SSX5: variants seen among roughly 807,000 people sequenced by gnomAD.
SSX5 encodes the protein protein SSX5.
A neutral mutation model predicts 14.9 loss-of-function variants in SSX5; 14 were observed. That is an observed-to-expected ratio of 0.94 (90% CI 0.62 to 1.47). The LOEUF (loss-of-function observed/expected upper bound fraction) is 1.47. SSX5 is among the 40% of genes most tolerant of loss of function. SSX5 has a pLI of 0.00. For synonymous variants in SSX5, 70 were observed against 55.4 expected, an observed-to-expected ratio of 1.26 and a Z score of -1.17; for missense variants, 204 against 154.6, an observed-to-expected ratio of 1.32 and a Z score of -1.70.
chrX:48,195,124 G>T, intron 2 of SSX5, 166 bp downstream of exon 2: 10 of 1,211,582 alleles, frequency 8.3e-6, no homozygotes, highest in Non-Finnish European at 1.1e-5. Flanking sequence ...CTTGTCTCCA[G>T]GGATGCTAGG....
intron 7 of SSX5, 133 bp downstream of exon 7, chrX:48,187,494 A>G: frequency 1.2e-6 from 1 of 828,836 alleles, no homozygotes; most frequent in East Asian, 3.2e-5. Context: ...TTCATCATTC[A>G]GCCTCAATGC....
At chrX:48,190,495 G>A (rs1216158678) in intron 5 of SSX5, among the ~76,000 whole-genome samples, 6 of 111,864 alleles carry the variant, frequency 5.4e-5, no homozygotes, top group African/African-American at 1.9e-4. Flanking sequence ...TCTTCACACT[G>A]TTTTAAGACT....
intron 3 of SSX5, 28 bp from the exon 4 acceptor site, chrX:48,194,252 T>C (rs1389923736): frequency 8.4e-6 from 10 of 1,190,238 alleles, no homozygotes; most frequent in African/African-American, 3.5e-5. Context: ...GTTTATTCCT[T>C]AAGAGACAAG....
chrX:48,190,799 T>G (rs1160710737), intron 5 of SSX5, among the ~76,000 whole-genome samples: 2 of 111,508 alleles, frequency 1.8e-5, no homozygotes, highest in Non-Finnish European at 3.8e-5. Flanking sequence ...GTACCAGATC[T>G]GGCATACCAG....
chrX:48,186,997 C>T, intron 7 of SSX5, 141 bp from the exon 8 acceptor site: 6 of 741,572 alleles, frequency 8.1e-6, no homozygotes, highest in Non-Finnish European at 1.2e-5. Context: ...TTCCATGGTT[C>T]CTTGAAGTGA....
At chrX:48,196,464 C>T (rs782238986) in intron 1 of SSX5, among the ~76,000 whole-genome samples, 4 of 106,957 alleles carry the variant, frequency 3.7e-5, no homozygotes, top group South Asian at 4.3e-4. Flanking sequence ...CTGCAACCTC[C>T]GCCTCATAGG....
chrX:48,194,568 G>A (rs2059432936), intron 3 of SSX5, among the ~76,000 whole-genome samples, 172 bp downstream of exon 3: 1 of 110,811 alleles, frequency 9.0e-6, no homozygotes, highest in African/African-American at 3.3e-5. Flanking sequence ...GCCAGTCCCT[G>A]CCCTCAGCCC....
chrX:48,195,154 A>G (rs1556925581), intron 2 of SSX5, 136 bp downstream of exon 2: 2 of 1,211,298 alleles, frequency 1.7e-6, no homozygotes, highest in African/African-American at 1.7e-5. Context: ...AGCGAGAGTG[A>G]GAGGCTCCCA....
intron 5 of SSX5, among the ~76,000 whole-genome samples, chrX:48,191,530 G>A (rs1490396334): frequency 1.8e-5 from 2 of 111,168 alleles, no homozygotes; most frequent in African/African-American, 6.5e-5. Context: ...GTAGGGAGGG[G>A]CCAACAGTCA....
At position 48,187,604 on chromosome X, in the gene SSX5, A is replaced by G. The variant is rs782302311; in HGVS notation, c.*4+23T>C. On this transcript the variant is annotated intron_variant, in intron 7 of 7. Coordinates refer to ENST00000347757, the MANE Select transcript of SSX5 (RefSeq NM_175723.2). ...AATAGCACATCTGCAAGGATGTGGG[A>G]GATGAGCCAAAGGTTCACTTACGGA... 1.8e-5 allele frequency: 22 copies of G among 1,193,435 alleles called. No homozygotes were observed. In the African/African-American group the frequency reaches 3.7e-4, roughly 20 times the overall value.
chrX:48,188,777 A>G (rs1211582802), intron 6 of SSX5, among the ~76,000 whole-genome samples: 2 of 112,703 alleles, frequency 1.8e-5, no homozygotes, highest in Non-Finnish European at 3.7e-5. Flanking sequence ...CTTGCACCAA[A>G]CAGCCAAGCT....
rs2146575152 is a variant in SSX5, at chrX:48,195,342, G to C, written c.17C>G (p.Ala6Gly). Residue 6 changes from alanine (A) to glycine (G), a missense_variant, in exon 2 of 8, where the codon GCC becomes GGC. Ala to Gly is a moderately conservative substitution (Grantham distance 60). Transcript: ENST00000347757. ...ACCAACCCTAGGTCTCCGTACAAAG[G>C]CATCGTCTCCGTTCATGGCACCGGG... is the stretch of plus-strand genomic sequence containing the variant. MNGDD[A>G]FVRRPRVGSQ... 1 of 1,211,592 alleles carries C rather than the reference G, an allele frequency of 8.3e-7. No homozygotes were observed.
chrX:48,193,505 T>C (rs1448512400), intron 4 of SSX5, among the ~76,000 whole-genome samples: 2 of 111,296 alleles, frequency 1.8e-5, no homozygotes, highest in Non-Finnish European at 3.8e-5. Flanking sequence ...CCCAGCACTT[T>C]GGGAGGCTGC....
At chrX:48,189,229 T>A (rs782304917) in intron 6 of SSX5, among the ~76,000 whole-genome samples, 3 of 112,035 alleles carry the variant, frequency 2.7e-5, no homozygotes, top group Non-Finnish European at 5.6e-5. Flanking sequence ...TCAATGTAGA[T>A]AAAATAGCCT....
chrX:48,187,479 G>T (rs1556924007), intron 7 of SSX5, 148 bp downstream of exon 7: 1 of 788,637 alleles, frequency 1.3e-6, no homozygotes, highest in African/African-American at 2.1e-5. Flanking sequence ...AAAAACATGG[G>T]AAATTTCATC....
chrX:48,194,960 C>G (rs782668031), intron 2 of SSX5, 106 bp from the exon 3 acceptor site: 3 of 1,208,979 alleles, frequency 2.5e-6, no homozygotes, highest in African/African-American at 3.5e-5. Flanking sequence ...GATGATAATC[C>G]GTCCTGGTTG....
In SSX5 at chrX:48,190,165, A is replaced by G. The variant is rs1556924483; in HGVS notation, c.434T>C (p.Leu145Pro). The change falls in exon 6 of 8, where the codon CTA becomes CCA. Residue 145 changes from leucine (L) to proline (P), a missense_variant. By Grantham distance (98) the Leu-to-Pro change is moderately conservative. Transcript: ENST00000347757. The stretch of plus-strand genomic sequence containing the variant: ...CTTGTTAACCTTCTCAGAGGTATTT[A>G]GTTTTCCTGAGGGGCGCAGCTGTTT... ...NGKQLRPSGK[L>P]NTSEKVNKTS... 12 of 1,209,888 alleles carry G rather than the reference A, an allele frequency of 9.9e-6. No individual in the cohort carries two copies. Among genetic ancestry groups the G allele is most frequent in the Non-Finnish European group, 1.3e-5 (12 of 894,592 alleles).
intron 7 of SSX5, among the ~76,000 whole-genome samples, 160 bp from the exon 8 acceptor site, chrX:48,187,016 C>G (rs781982565): frequency 4.0e-4 from 45 of 111,820 alleles, no homozygotes; most frequent in Middle Eastern, 4.6e-3. Context: ...GAACCATCTG[C>G]TCATACCACA....
chrX:48,194,440 G>A (rs1281316479), intron 3 of SSX5, among the ~76,000 whole-genome samples: 2 of 109,009 alleles, frequency 1.8e-5, no homozygotes, highest in Non-Finnish European at 3.8e-5. Context: ...GAGACAAGCC[G>A]AGAGAAGGAA....
Sources: allele counts gnomAD v4.1 joint callset (sites outside exome capture counted in the v4.1 genomes callset), GRCh38; gene constraint gnomAD v4.1.1; transcripts MANE v1.5; gene names NCBI Gene and HGNC (gene_info 2026-07-23, HGNC 2026-07-21).